The following TMEM178B variants were observed in gnomAD, a reference collection of about 807,000 sequenced individuals.
TMEM178B encodes the protein transmembrane protein 178B.
TMEM178B carries 5 observed loss-of-function variants against 31.0 expected under a neutral mutation model. The observed-to-expected ratio is 0.16, with a 90% CI of 0.08 to 0.34. TMEM178B has a LOEUF of 0.34. Ranked by LOEUF, TMEM178B falls within the 10% of genes least tolerant of loss-of-function variation. The pLI is 1.00. For synonymous variants in TMEM178B, 164 were observed against 164.0 expected, an observed-to-expected ratio of 1.00 and a Z score of 0.00; for missense variants, 275 against 400.3, an observed-to-expected ratio of 0.69 and a Z score of 2.67.
chr7:141,343,212 C>G (rs747154068), intron 2 of TMEM178B, among the ~76,000 whole-genome samples: 4 of 152,080 alleles, frequency 2.6e-5, no homozygotes, highest in Non-Finnish European at 5.9e-5. Flanking sequence ...CCGTACCACT[C>G]GCCCTTGCAT....
chr7:141,092,189 C>T (rs1794892629), intron 1 of TMEM178B, among the ~76,000 whole-genome samples: 1 of 152,016 alleles, frequency 6.6e-6, no homozygotes, highest in Non-Finnish European at 1.5e-5. Context: ...TATAGTAATT[C>T]TTGGTTACCC....
At chr7:141,185,043 C>T (rs1045038332) in intron 1 of TMEM178B, among the ~76,000 whole-genome samples, 26 of 152,098 alleles carry the variant, frequency 1.7e-4, no homozygotes, top group African/African-American at 5.8e-4. Context: ...GCAGGATGTG[C>T]GATGGTGGTG....
chr7:141,375,914 G>A (rs1340604083), intron 2 of TMEM178B, among the ~76,000 whole-genome samples: 2 of 152,216 alleles, frequency 1.3e-5, no homozygotes, highest in African/African-American at 4.8e-5. Flanking sequence ...CCATCGGCCT[G>A]CAGGAGTTCA....
intron 2 of TMEM178B, among the ~76,000 whole-genome samples, chr7:141,280,337 G>A (rs942955254): frequency 6.6e-6 from 1 of 152,098 alleles, no homozygotes; most frequent in Non-Finnish European, 1.5e-5. Flanking sequence ...ATCTTGAATT[G>A]TAGCTCCCAT....
intron 2 of TMEM178B, among the ~76,000 whole-genome samples, chr7:141,337,212 TCAC>T (rs879879615): frequency 0.011 from 211 of 18,492 alleles, 5 homozygotes; most frequent in Middle Eastern, 0.045. Context: ...ACCACCACCA[TCAC>T]CACCACCACC....
intron 2 of TMEM178B, among the ~76,000 whole-genome samples, chr7:141,287,544 A>C (rs1798466563): frequency 6.6e-6 from 1 of 152,218 alleles, no homozygotes; most frequent in African/African-American, 2.4e-5. Flanking sequence ...TTCAGTAATC[A>C]ACATCTCTTC....
intron 1 of TMEM178B, among the ~76,000 whole-genome samples, chr7:141,145,816 C>G (rs557849339): frequency 1.8e-3 from 269 of 152,314 alleles, no homozygotes; most frequent in Non-Finnish European, 3.4e-3. Context: ...ACGTGCTGAG[C>G]TGCTTGTCTT....
At position 141,351,654 on chromosome 7, in the gene TMEM178B, A is replaced by G. The variant is rs184340154; in HGVS notation, c.497-85954A>G. Among the ~76,000 whole-genome samples the G allele has an allele frequency of 3.8e-3, 575 of 152,350 alleles. 3 individuals carry two copies. The highest frequency in any genetic ancestry group is 6.0e-3 in the Non-Finnish European group (406 of 68,028). ...AGAATGGTTGTGGCCATTTTTGCTC[A>G]GAATCTTCCCAAAGGCTGATACCAT... On this transcript the variant is annotated intron_variant, in intron 2 of 3. Coordinates refer to ENST00000565468, the MANE Select transcript of TMEM178B (RefSeq NM_001195278.2).
intron 3 of TMEM178B, among the ~76,000 whole-genome samples, chr7:141,445,962 A>G (rs1193566780): frequency 6.6e-6 from 1 of 152,234 alleles, no homozygotes; most frequent in Admixed American, 6.5e-5. Context: ...CCTGGAGCGT[A>G]TCTTGCCTCT....
intron 3 of TMEM178B, among the ~76,000 whole-genome samples, chr7:141,441,903 GATTA>G (rs940089542): frequency 1.1e-4 from 16 of 152,166 alleles, no homozygotes; most frequent in African/African-American, 3.9e-4. Flanking sequence ...CCGAGGAGAT[GATTA>G]ATTAAGTAGG....
chr7:141,257,349 G>A (rs1388322282), intron 2 of TMEM178B, among the ~76,000 whole-genome samples: 1 of 152,182 alleles, frequency 6.6e-6, no homozygotes, highest in East Asian at 1.9e-4. Context: ...AGTCCAAGCT[G>A]TCCTCCTAAT....
At chr7:141,497,037 G>A in the TMEM178B span, among the ~76,000 whole-genome samples, 1 of 152,162 alleles carries the variant, frequency 6.6e-6, no homozygotes, top group Non-Finnish European at 1.5e-5. Flanking sequence ...TCAGTGTGGG[G>A]CTGCAGGCTT....
At chr7:141,177,722 T>C (rs1796456592) in intron 1 of TMEM178B, among the ~76,000 whole-genome samples, 1 of 152,342 alleles carries the variant, frequency 6.6e-6, no homozygotes, top group Non-Finnish European at 1.5e-5. Flanking sequence ...TTTTGATCTT[T>C]GTTGGTTTAA....
chr7:141,212,717 G>C lies in TMEM178B; in HGVS notation c.496+13G>C. 1 of 1,528,972 alleles carries C rather than the reference G, an allele frequency of 6.5e-7. No individual in the cohort carries two copies. 94.7% of individuals were successfully genotyped at this position (1,528,972 alleles called of 1,614,324 possible). On this transcript the variant is annotated intron_variant, in intron 2 of 3. Coordinates refer to ENST00000565468, the MANE Select transcript of TMEM178B (RefSeq NM_001195278.2). ...TGGCATGCCCTACGTAAGTGCACCT[G>C]AGTCTCAGTGGCTGTGACTGTGCTG... is the stretch of plus-strand genomic sequence containing the variant.
chr7:141,381,700 T>C (rs998002200), intron 2 of TMEM178B, among the ~76,000 whole-genome samples: 1 of 152,210 alleles, frequency 6.6e-6, no homozygotes, highest in Admixed American at 6.5e-5. Context: ...TTTGTGTAAT[T>C]AGGGCTGGTT....
intron 2 of TMEM178B, among the ~76,000 whole-genome samples, chr7:141,419,905 C>A (rs933842288): frequency 2.6e-5 from 4 of 152,082 alleles, no homozygotes; most frequent in African/African-American, 7.2e-5. Context: ...GCAAAAAAAA[C>A]CATTACACAG....
chr7:141,234,150 G>A (rs766421662), intron 2 of TMEM178B, among the ~76,000 whole-genome samples: 4 of 152,172 alleles, frequency 2.6e-5, no homozygotes, highest in Non-Finnish European at 4.4e-5. Flanking sequence ...ACAGGCATTT[G>A]TGGGGATAAA....
chr7:141,342,755 G>A (rs937685011), intron 2 of TMEM178B, among the ~76,000 whole-genome samples: 2 of 152,190 alleles, frequency 1.3e-5, no homozygotes, highest in Non-Finnish European at 2.9e-5. Context: ...AGTTTCCGCA[G>A]TCAGTGAGGT....
chr7:141,221,726 G>A (rs1314462394), intron 2 of TMEM178B, among the ~76,000 whole-genome samples: 1 of 152,218 alleles, frequency 6.6e-6, no homozygotes, highest in African/African-American at 2.4e-5. Flanking sequence ...GATTTTGGGG[G>A]ATGGGTGTTC....
Sources: gnomAD v4.1 joint callset for allele counts (sites outside exome capture counted in the v4.1 genomes callset) on GRCh38, gnomAD v4.1.1 for gene constraint, MANE v1.5 for transcripts, NCBI Gene and HGNC (gene_info 2026-07-23, HGNC 2026-07-21) for gene names.